SV2C: variants seen among roughly 807,000 people sequenced by gnomAD.
SV2C encodes solute carrier family 22 member B3.
SV2C carries 49 observed loss-of-function variants against 79.7 expected under a neutral mutation model. The observed-to-expected ratio is 0.61, with a 90% CI of 0.49 to 0.78. SV2C has a LOEUF of 0.78. SV2C is among the 30% of genes least tolerant of loss of function. The probability of loss-of-function intolerance (pLI) is 0.00; values close to 1 mark genes in which losing one functional copy is unlikely to be tolerated. For missense variants in SV2C, 833 were observed against 912.9 expected (o/e 0.91, Z 1.13); for synonymous variants, 334 against 333.2 (o/e 1.00, Z -0.03).
At chr5:76,174,323 C>G in intron 2 of SV2C, 1 of 755,396 alleles carries the variant, frequency 1.3e-6, no homozygotes, top group Non-Finnish European at 2.2e-6. Flanking sequence ...GCCGCTCCGG[C>G]TGGTTTACAC....
At chr5:75,896,389 G>T in the SV2C span, among the ~76,000 whole-genome samples, 1 of 151,486 alleles carries the variant, frequency 6.6e-6, no homozygotes, top group South Asian at 2.1e-4. Flanking sequence ...CAAAGGACGT[G>T]AACTCATCAT....
chr5:76,136,700 C>T (rs1421253143), intron 2 of SV2C, among the ~76,000 whole-genome samples: 1 of 152,126 alleles, frequency 6.6e-6, no homozygotes, highest in Non-Finnish European at 1.5e-5. Flanking sequence ...TCACATTCTG[C>T]ACATGTATCC....
chr5:76,273,618 G>A (rs1313745045), intron 4 of SV2C, among the ~76,000 whole-genome samples: 1 of 152,160 alleles, frequency 6.6e-6, no homozygotes, highest in Non-Finnish European at 1.5e-5. Flanking sequence ...TCCTTCCACC[G>A]CTGGCTGCTC....
the SV2C span, among the ~76,000 whole-genome samples, chr5:75,957,223 A>G: frequency 4.6e-5 from 7 of 152,008 alleles, no homozygotes; most frequent in South Asian, 2.1e-4. Context: ...GAGTAAGACC[A>G]CATTCTGAGT....
Position 76,301,545 on chromosome 5 carries a change from G to A in SV2C, c.2000G>A (p.Arg667Lys). Residue 667 changes from arginine to lysine, a missense_variant and splice_region_variant, in exon 12 of 13, where the codon AGG (arginine) becomes AAG (lysine). Arg to Lys is a conservative substitution (Grantham distance 26). Coordinates refer to ENST00000502798, the MANE Select transcript of SV2C (RefSeq NM_014979.4). ...VTVELYPTDR[R>K]ATGFGFLNAL... is the part of the protein sequence containing the mutation. The stretch of plus-strand genomic sequence containing the variant: ...GTGGAACTGTACCCCACAGACCGGA[G>A]GTATGTTGAAATGGGCCTCTAGTAA... 1 of 1,611,504 alleles carries A rather than the reference G, an allele frequency of 6.2e-7. No individual in the cohort carries two copies.
chr5:76,048,514 A>C, the SV2C span, among the ~76,000 whole-genome samples: 1 of 152,308 alleles, frequency 6.6e-6, no homozygotes, highest in East Asian at 1.9e-4. Context: ...CTTACCAGCT[A>C]TCTGGGCATC....
intron 2 of SV2C, among the ~76,000 whole-genome samples, chr5:76,193,694 T>C (rs1037562463): frequency 6.6e-6 from 1 of 152,216 alleles, no homozygotes; most frequent in Admixed American, 6.5e-5. Context: ...CAGTTGAGCC[T>C]GGTGAAATGG....
the SV2C span, among the ~76,000 whole-genome samples, chr5:76,050,694 C>T: frequency 6.6e-6 from 1 of 152,136 alleles, no homozygotes; most frequent in Non-Finnish European, 1.5e-5. Flanking sequence ...AGTATTAAAC[C>T]TGTTCATAAG....
At chr5:75,934,766 T>A in the SV2C span, among the ~76,000 whole-genome samples, 1 of 152,188 alleles carries the variant, frequency 6.6e-6, no homozygotes, top group Non-Finnish European at 1.5e-5. Context: ...GGGTACATGA[T>A]CACTGTGGGC....
At chr5:76,036,895 A>G in the SV2C span, among the ~76,000 whole-genome samples, 1 of 152,156 alleles carries the variant, frequency 6.6e-6, no homozygotes, top group African/African-American at 2.4e-5. Context: ...TCAGACGTAG[A>G]TTTGGTCTTT....
intron 4 of SV2C, among the ~76,000 whole-genome samples, chr5:76,215,829 A>G (rs1378497626): frequency 1.3e-5 from 2 of 152,056 alleles, no homozygotes; most frequent in Non-Finnish European, 2.9e-5. Flanking sequence ...CCACATTGCA[A>G]GTGTATTTCA....
At chr5:76,176,164 A>G (rs1405284036) in intron 2 of SV2C, among the ~76,000 whole-genome samples, 1 of 152,158 alleles carries the variant, frequency 6.6e-6, no homozygotes, top group South Asian at 2.1e-4. Context: ...CGTTTAGTCT[A>G]AGTTGGGTTT....
the SV2C span, among the ~76,000 whole-genome samples, chr5:76,036,181 G>T: frequency 4.0e-5 from 6 of 151,800 alleles, no homozygotes; most frequent in African/African-American, 1.2e-4. Flanking sequence ...ACACTGATGG[G>T]TCTTGACTCT....
At chr5:76,348,785 G>T (rs1008027259) in intron 12 of SV2C, among the ~76,000 whole-genome samples, 1 of 152,148 alleles carries the variant, frequency 6.6e-6, no homozygotes, top group African/African-American at 2.4e-5. Context: ...TAGATCACAA[G>T]ATCAGGAGTT....
At chr5:76,057,612 C>T in the SV2C span, among the ~76,000 whole-genome samples, 2 of 152,096 alleles carry the variant, frequency 1.3e-5, no homozygotes, top group Non-Finnish European at 2.9e-5. Context: ...TTTGGTTCTG[C>T]TGTTAACTAG....
chr5:76,172,117 G>A (rs1234657323), intron 2 of SV2C, among the ~76,000 whole-genome samples: 1 of 37,158 alleles, frequency 2.7e-5, no homozygotes, highest in Admixed American at 2.5e-4. Flanking sequence ...GGAGGTGGGG[G>A]GGTCAGCCCT....
intron 3 of SV2C, among the ~76,000 whole-genome samples, chr5:76,208,213 A>T (rs557623067): frequency 6.6e-6 from 1 of 152,258 alleles, no homozygotes; most frequent in African/African-American, 2.4e-5. Context: ...TTATATATGT[A>T]TATTATACAT....
At chr5:76,051,678 C>CT in the SV2C span, among the ~76,000 whole-genome samples, 4 of 152,116 alleles carry the variant, frequency 2.6e-5, no homozygotes, top group Admixed American at 2.6e-4. Context: ...TAAAAACTAA[C>CT]TTTCATAAAT....
chr5:75,946,188 A>G, the SV2C span, among the ~76,000 whole-genome samples: 1 of 152,248 alleles, frequency 6.6e-6, no homozygotes, highest in African/African-American at 2.4e-5. Flanking sequence ...CACATACTGC[A>G]AACATCAGGA....
Sources: gnomAD v4.1 joint callset for allele counts (sites outside exome capture counted in the v4.1 genomes callset) on GRCh38, gnomAD v4.1.1 for gene constraint, MANE v1.5 for transcripts, NCBI Gene and HGNC (gene_info 2026-07-23, HGNC 2026-07-21) for gene names.